The following HECTD4 variants were observed in gnomAD, a reference collection of about 807,000 sequenced individuals.
HECTD4 encodes the protein probable E3 ubiquitin-protein ligase HECTD4.
A neutral mutation model predicts 471.5 loss-of-function variants in HECTD4; 114 were observed. The ratio of observed to expected loss-of-function variants is 0.24; its 90% confidence interval spans 0.21 to 0.28. The LOEUF is 0.28. Among genes scored for constraint, HECTD4 ranks in the 10% least tolerant of loss-of-function variants. HECTD4 has a pLI of 1.00. For synonymous variants in HECTD4, 2,012 were observed against 2,256.0 expected, an observed-to-expected ratio of 0.89 and a Z score of 3.07; for missense variants, 3,866 against 5,651.5, an observed-to-expected ratio of 0.68 and a Z score of 10.13.
Position 112,183,090 on chromosome 12 carries a change from T to C in HECTD4, c.10956A>G (p.Leu3652=), listed in dbSNP as rs1314906406. 1 of 1,613,648 alleles carries C rather than the reference T, an allele frequency of 6.2e-7. No homozygotes were observed. The highest frequency in any genetic ancestry group is 8.5e-7 in the Non-Finnish European group (1 of 1,179,612). The stretch of plus-strand genomic sequence containing the variant: ...TTGACTTATCATTGAAATAATCTTC[T>C]AACCCTGGGCTCCCTTGAGTATCAA... ...SLFDTQGSPG[L]EDYFNDKSIK... is the part of the protein sequence containing the mutation. The change falls in exon 62 of 76, where the codon TTA becomes TTG. Residue 3652 remains leucine, a synonymous_variant. Transcript: ENST00000682272.
intron 43 of HECTD4, chr12:112,226,969 T>G: frequency 2.3e-6 from 1 of 440,038 alleles, no homozygotes; most frequent in South Asian, 5.4e-5. Flanking sequence ...TGACACTGCA[T>G]GAAGAATTGG....
chr12:112,170,535 G>C, intron 68 of HECTD4, 83 bp from the exon 69 acceptor site: 2 of 1,542,540 alleles, frequency 1.3e-6, no homozygotes, highest in Non-Finnish European at 1.8e-6. Context: ...TCCGGTCCCT[G>C]GGTGTGGCAC....
intron 62 of HECTD4, among the ~76,000 whole-genome samples, chr12:112,181,185 C>T (rs1268551514): frequency 2.0e-5 from 3 of 151,090 alleles, no homozygotes; most frequent in Admixed American, 6.6e-5. Flanking sequence ...AAAAAATTAA[C>T]GTAAAAAAAC....
Position 112,243,395 on chromosome 12 carries a change from T to C in HECTD4, c.4916A>G (p.His1639Arg), listed in dbSNP as rs2033685075. ...TAAVRVGGVT[H>R]LVGPVTMVLQ... ...GACCATCGTCACTGGACCCACAAGA[T>C]GCGTCACTCCCCCGACTCGTACGGC... Residue 1639 changes from histidine (H) to arginine (R), a missense_variant, in exon 32 of 76, where the codon CAT becomes CGT. Physicochemically the swap from His to Arg is conservative, Grantham distance 29 (BLOSUM62 0). This residue lies in a region of HECTD4 where 229 missense variants were observed against 386.4 expected (regional missense o/e 0.59). Coordinates refer to ENST00000682272, the MANE Select transcript of HECTD4 (RefSeq NM_001388303.1). The surrounding 1 kb of genome is among the most constrained non-coding windows in gnomAD (Gnocchi z 6.6). The C allele has an allele frequency of 3.1e-6, 5 of 1,612,600 alleles. No homozygotes were observed. Among genetic ancestry groups the C allele is most frequent in the East Asian group, 4.5e-5 (2 of 44,870 alleles).
rs1427685405 is a variant in HECTD4 at position 112,173,298 on chromosome 12, C to T, written c.11595-437G>A. On this transcript the variant is annotated intron_variant, in intron 66 of 75. Coordinates refer to ENST00000682272, the MANE Select transcript of HECTD4 (RefSeq NM_001388303.1). This position sits in a 1 kb window ranked among gnomAD's most constrained non-coding sequence, Gnocchi z 4.3. ...CTTGAACTCCTGGACTCAAGCGATC[C>T]TCCCACCTCAGCCTCCCCAGTAGCT... 6.6e-6 allele frequency among the ~76,000 whole-genome samples: 1 copy of T among 152,186 alleles called. No individual in the cohort carries two copies. Among genetic ancestry groups the T allele is most frequent in the East Asian group, 1.9e-4 (1 of 5,204 alleles).
Position 112,194,171 on chromosome 12 carries a change from A to G in HECTD4, c.8750-497T>C, listed in dbSNP as rs2032166779. Among the ~76,000 whole-genome samples, 1 of 152,220 alleles carries G rather than the reference A, an allele frequency of 6.6e-6. No individual in the cohort carries two copies. The highest frequency in any genetic ancestry group is 1.5e-5 in the Non-Finnish European group (1 of 68,038). On this transcript the variant is annotated intron_variant, in intron 56 of 75. Transcript: ENST00000682272. This position sits in a 1 kb window ranked among gnomAD's most constrained non-coding sequence, Gnocchi z 4.6. ...TGGACCCCAGGCGCTCATATGGACC[A>G]GTAGCGATGTAGTGCACACATACCC...
intron 15 of HECTD4, 23 bp downstream of exon 15, chr12:112,265,855 G>A: frequency 6.5e-7 from 1 of 1,548,276 alleles, no homozygotes; most frequent in Non-Finnish European, 8.9e-7. Flanking sequence ...AAGGCTAGAA[G>A]TGAATAATAT....
At position 112,239,232 on chromosome 12, in the gene HECTD4, C is replaced by T; in HGVS notation, c.5110G>A (p.Glu1704Lys). 6.2e-7 allele frequency: 1 copy of T among 1,609,666 alleles called. No homozygotes were observed. The highest frequency in any genetic ancestry group is 8.5e-7 in the Non-Finnish European group (1 of 1,178,032). ...CCACTGCGTACCAGGCACTTCTCTT[C>T]GCTCCTGACAAAGGGTCATGGATTA... The part of the protein sequence containing the change: ...LLCTIPYTRS[E>K]EKCLVRSGLV... The change falls in exon 34 of 76, where the codon GAA becomes AAA. Residue 1704 changes from glutamate (E) to lysine (K), a missense_variant. By Grantham distance (56) the Glu-to-Lys change is moderately conservative. Transcript: ENST00000682272. The surrounding 1 kb of genome is among the most constrained non-coding windows in gnomAD (Gnocchi z 4.9).
At position 112,162,643 on chromosome 12, in the gene HECTD4, G is replaced by T; in HGVS notation, c.13121-120C>A. On this transcript the variant is annotated intron_variant, in intron 75 of 75. Transcript: ENST00000682272. The surrounding 1 kb of genome is among the most constrained non-coding windows in gnomAD (Gnocchi z 5.2). ...TGGGTAGCCCCAAGCCAATCCTGGG[G>T]CCCAGCAGGAGGGGGATGAGGGCCT... 1 of 1,228,468 alleles carries T rather than the reference G, an allele frequency of 8.1e-7. No homozygotes were observed. The highest frequency in any genetic ancestry group is 1.1e-6 in the Non-Finnish European group (1 of 873,130). 76.1% of individuals were successfully genotyped at this position (1,228,468 alleles called of 1,614,324 possible).
At chr12:112,165,179 A>T (rs2030888754) in intron 72 of HECTD4, among the ~76,000 whole-genome samples, 2 of 149,822 alleles carry the variant, frequency 1.3e-5, no homozygotes, top group Non-Finnish European at 3.0e-5. Context: ...TCAGCCTCCC[A>T]AAGTGCTGGG....
At chr12:112,211,277 G>A (rs1377532750) in intron 49 of HECTD4, among the ~76,000 whole-genome samples, 3 of 152,056 alleles carry the variant, frequency 2.0e-5, no homozygotes, top group Admixed American at 6.6e-5. Context: ...ATTCATAGGT[G>A]CAATCATAAC....
chr12:112,171,048 A>G (rs1207418574), intron 68 of HECTD4, 69 bp downstream of exon 68: 1 of 1,389,924 alleles, frequency 7.2e-7, no homozygotes, highest in African/African-American at 1.4e-5. Flanking sequence ...CTGCCCGTGG[A>G]TTCTGGCCCT....
At chr12:112,331,613 G>C (rs1434513796) in intron 1 of HECTD4, among the ~76,000 whole-genome samples, 7 of 152,146 alleles carry the variant, frequency 4.6e-5, no homozygotes, top group Non-Finnish European at 1.0e-4. Flanking sequence ...TGAAAAAGTT[G>C]AAATTGCTAA....
chr12:112,312,868 A>T (rs2035398579), intron 4 of HECTD4, 149 bp downstream of exon 4: 1 of 582,238 alleles, frequency 1.7e-6, no homozygotes, highest in Non-Finnish European at 2.9e-6. Flanking sequence ...GTTTACTGAT[A>T]AAGCAGACAA....
intron 1 of HECTD4, among the ~76,000 whole-genome samples, chr12:112,355,769 CAATAAA>C (rs750283566): frequency 3.2e-4 from 48 of 151,850 alleles, no homozygotes; most frequent in Middle Eastern, 3.4e-3. Context: ...CTCAAAAAAA[CAATAAA>C]AATAAAAATA....
chr12:112,309,414 G>A (rs1046225448), intron 5 of HECTD4, 147 bp downstream of exon 5: 6 of 500,998 alleles, frequency 1.2e-5, no homozygotes, highest in African/African-American at 9.9e-5. Context: ...AATAAGAGAA[G>A]ATTGGAATTA....
chr12:112,263,724 TACACACACACAC>T, intron 17 of HECTD4, among the ~76,000 whole-genome samples: 1 of 125,120 alleles, frequency 8.0e-6, no homozygotes, highest in Admixed American at 7.7e-5. Flanking sequence ...TATATATATA[TACACACACACAC>T]ACACACACAC....
intron 1 of HECTD4, among the ~76,000 whole-genome samples, chr12:112,327,300 G>A (rs2035765330): frequency 6.6e-6 from 1 of 152,042 alleles, no homozygotes; most frequent in Non-Finnish European, 1.5e-5. Context: ...CTGGGCGACA[G>A]AGCAAAACTC....
chr12:112,233,493 G>A (rs1262433010), intron 37 of HECTD4, among the ~76,000 whole-genome samples: 1 of 151,946 alleles, frequency 6.6e-6, no homozygotes, highest in Non-Finnish European at 1.5e-5. Context: ...AAAGCACTGG[G>A]ATTACAGGCA....
Sources: gnomAD v4.1 joint callset for allele counts (sites outside exome capture counted in the v4.1 genomes callset) on GRCh38, gnomAD v4.1.1 for gene constraint, gnomAD v4.1.1 regional missense constraint, Gnocchi (gnomAD v3.1) non-coding constraint, MANE v1.5 for transcripts, NCBI Gene and HGNC (gene_info 2026-07-23, HGNC 2026-07-21) for gene names.